The following GLRB variants were observed in gnomAD, a reference collection of about 807,000 sequenced individuals.
GLRB encodes glycine receptor beta.
Under a neutral mutation model 54.2 loss-of-function variants are expected in GLRB, and 33 were observed. The ratio of observed to expected loss-of-function variants is 0.61; its 90% CI spans 0.46 to 0.81. The LOEUF (loss-of-function observed/expected upper bound fraction) is 0.81. Among genes scored for constraint, GLRB ranks in the 40% least tolerant of loss-of-function variants. GLRB has a pLI of 0.00. For synonymous variants in GLRB, 209 were observed against 208.2 expected, an observed-to-expected ratio of 1.00 and a Z score of -0.03; for missense variants, 572 against 584.6, an observed-to-expected ratio of 0.98 and a Z score of 0.22.
chr4:157,145,210 G>T (rs1181880223), intron 8 of GLRB, among the ~76,000 whole-genome samples: 1 of 152,112 alleles, frequency 6.6e-6, no homozygotes, highest in African/African-American at 2.4e-5. Context: ...TTCATTGCAG[G>T]ACTTCTGATA....
intron 7 of GLRB, among the ~76,000 whole-genome samples, chr4:157,139,401 G>A (rs184794426): frequency 1.3e-5 from 2 of 152,170 alleles, no homozygotes; most frequent in African/African-American, 4.8e-5. Flanking sequence ...CTTATGCTAT[G>A]CAGGAAGCAA....
intron 4 of GLRB, among the ~76,000 whole-genome samples, chr4:157,133,280 C>T (rs2126559135): frequency 6.6e-6 from 1 of 151,882 alleles, no homozygotes; most frequent in East Asian, 1.9e-4. Flanking sequence ...CTTAGAGTAA[C>T]TGTGGACTAA....
At chr4:157,105,831 A>G (rs951262590) in intron 2 of GLRB, among the ~76,000 whole-genome samples, 1 of 152,056 alleles carries the variant, frequency 6.6e-6, no homozygotes, top group Non-Finnish European at 1.5e-5. Context: ...TAGTCATCCC[A>G]TGCTCTAATT....
chr4:157,087,673 G>T, intron 2 of GLRB, among the ~76,000 whole-genome samples: 1 of 152,034 alleles, frequency 6.6e-6, no homozygotes, highest in African/African-American at 2.4e-5. Context: ...TCAAAACATA[G>T]GTATTTAACT....
intron 6 of GLRB, 83 bp from the exon 7 acceptor site, chr4:157,138,726 T>C (rs1249390143): frequency 2.7e-6 from 2 of 745,178 alleles, no homozygotes; most frequent in Non-Finnish European, 4.6e-6. Flanking sequence ...TCCTTTGCTA[T>C]GTTTAAGATT....
chr4:157,143,989 C>T, intron 8 of GLRB, 30 bp downstream of exon 8: 1 of 1,599,398 alleles, frequency 6.3e-7, no homozygotes, highest in African/African-American at 1.3e-5. Context: ...TTTGTCACAT[C>T]AGGAACAGAT....
At chr4:157,120,525 C>T in intron 2 of GLRB, 31 bp from the exon 3 acceptor site, 24 of 1,183,644 alleles carry the variant, frequency 2.0e-5, no homozygotes, top group Non-Finnish European at 2.9e-5. Flanking sequence ...CTATTTATAA[C>T]TACTTATCAG....
At chr4:157,135,134 G>T (rs1250162362) in intron 4 of GLRB, among the ~76,000 whole-genome samples, 1 of 151,884 alleles carries the variant, frequency 6.6e-6, no homozygotes, top group Non-Finnish European at 1.5e-5. Context: ...TGATATAAGG[G>T]TCATTGATCA....
At chr4:157,093,173 T>A (rs1734680078) in intron 2 of GLRB, among the ~76,000 whole-genome samples, 1 of 152,160 alleles carries the variant, frequency 6.6e-6, no homozygotes, top group Non-Finnish European at 1.5e-5. Flanking sequence ...AAGTTCTTTC[T>A]AAATAATAGA....
At chr4:157,078,639 A>G (rs1314683693) in intron 2 of GLRB, among the ~76,000 whole-genome samples, 2 of 152,186 alleles carry the variant, frequency 1.3e-5, no homozygotes, top group Non-Finnish European at 2.9e-5. Flanking sequence ...TTTCTAATTT[A>G]GTAATTGTAA....
intron 2 of GLRB, among the ~76,000 whole-genome samples, chr4:157,105,135 C>T (rs1033121142): frequency 4.6e-5 from 7 of 151,006 alleles, no homozygotes; most frequent in African/African-American, 1.7e-4. Context: ...TAAAGTTAGG[C>T]TATATATTTG....
intron 2 of GLRB, among the ~76,000 whole-genome samples, chr4:157,091,807 G>C (rs1436391127): frequency 1.3e-5 from 2 of 152,288 alleles, no homozygotes; most frequent in Middle Eastern, 3.4e-3. Flanking sequence ...TGGGCAGCCT[G>C]ATCTCTTCGT....
At chr4:157,160,884 C>A (rs931339880) in intron 9 of GLRB, among the ~76,000 whole-genome samples, 2 of 152,064 alleles carry the variant, frequency 1.3e-5, no homozygotes, top group Admixed American at 6.6e-5. Context: ...TCCTGGATAT[C>A]TTTGTTATCT....
intron 2 of GLRB, among the ~76,000 whole-genome samples, chr4:157,080,513 G>A (rs1487146858): frequency 6.6e-6 from 1 of 152,090 alleles, no homozygotes; most frequent in African/African-American, 2.4e-5. Context: ...TAGAAGACTA[G>A]GGTTGTCCCT....
intron 9 of GLRB, among the ~76,000 whole-genome samples, chr4:157,169,908 C>G (rs1182428064): frequency 2.6e-5 from 4 of 152,008 alleles, no homozygotes; most frequent in Non-Finnish European, 5.9e-5. Flanking sequence ...CAATTGTGAC[C>G]ATTTTTTAGT....
chr4:157,134,248 T>C (rs1275295890), intron 4 of GLRB, among the ~76,000 whole-genome samples: 2 of 152,062 alleles, frequency 1.3e-5, no homozygotes, highest in African/African-American at 2.4e-5. Context: ...ATATTTGTTT[T>C]GGTCTGGATA....
intron 4 of GLRB, among the ~76,000 whole-genome samples, chr4:157,132,203 C>A (rs1402939385): frequency 1.3e-5 from 2 of 151,696 alleles, no homozygotes; most frequent in Non-Finnish European, 2.9e-5. Flanking sequence ...TGTATATATT[C>A]TTTGGGGTAG....
At chr4:157,086,822 T>A (rs1482039275) in intron 2 of GLRB, among the ~76,000 whole-genome samples, 1 of 152,178 alleles carries the variant, frequency 6.6e-6, no homozygotes, top group African/African-American at 2.4e-5. Context: ...CAATGGGAAG[T>A]TAAAAGTATT....
intron 2 of GLRB, among the ~76,000 whole-genome samples, chr4:157,107,596 G>A: frequency 6.6e-6 from 1 of 152,076 alleles, no homozygotes; most frequent in East Asian, 1.9e-4. Flanking sequence ...AAGGCTAAGA[G>A]AAGTAAGGAA....
Sources: gnomAD v4.1 joint callset for allele counts (sites outside exome capture counted in the v4.1 genomes callset) on GRCh38, gnomAD v4.1.1 for gene constraint, MANE v1.5 for transcripts, NCBI Gene and HGNC (gene_info 2026-07-23, HGNC 2026-07-21) for gene names.